GK5: variants seen among roughly 807,000 people sequenced by gnomAD.
GK5 encodes the protein glycerol kinase 5, also known as ATP:glycerol 3-phosphotransferase 5.
A neutral mutation model predicts 77.3 loss-of-function variants in GK5; 39 were observed. The observed-to-expected ratio is 0.50, with a 90% CI of 0.39 to 0.66. GK5 has a LOEUF of 0.66. GK5 is among the 30% of genes least tolerant of loss of function. The pLI is 0.00. For synonymous variants in GK5, 211 were observed against 208.0 expected (o/e 1.01, Z -0.13); for missense variants, 487 against 633.8 (o/e 0.77, Z 2.49).
chr3:142,217,426 G>A (rs2064288419), intron 1 of GK5, among the ~76,000 whole-genome samples: 1 of 152,026 alleles, frequency 6.6e-6, no homozygotes, highest in Non-Finnish European at 1.5e-5. Flanking sequence ...AAGGGAGATA[G>A]AAGAAAATTA....
chr3:142,187,604 C>T, intron 6 of GK5, 100 bp downstream of exon 6: 1 of 658,310 alleles, frequency 1.5e-6, no homozygotes, highest in Non-Finnish European at 2.4e-6. Context: ...GACCCTAGCT[C>T]AAAAAAAAAA....
intron 3 of GK5, 103 bp from the exon 4 acceptor site, chr3:142,204,891 A>G: frequency 1.5e-6 from 1 of 654,550 alleles, no homozygotes; most frequent in South Asian, 1.9e-5. Flanking sequence ...CTGTAATTGC[A>G]AAGTATAATT....
chr3:142,186,326 A>G (rs2063769431), intron 7 of GK5, 59 bp from the exon 8 acceptor site: 5 of 1,128,132 alleles, frequency 4.4e-6, no homozygotes, highest in Admixed American at 3.8e-5. Context: ...ACCTCTAAAC[A>G]TATATCAAAA....
Position 142,172,440 on chromosome 3 carries a change from G to C in GK5, c.1160C>G (p.Pro387Arg), listed in dbSNP as rs571277647. ...ACCCATAAAAGAGGCACATGCCCAG[G>C]GGTCATTTAATGGAGCCTACAGTAA... ...FSGLQAPLNDPWACASFMGLK... is the reference protein window; with the variant it reads ...FSGLQAPLNDRWACASFMGLK... Residue 387 changes from proline to arginine, a missense_variant, in exon 13 of 16, where the codon CCC becomes CGC. Around this residue, in one of 4 missense-constraint regions of GK5, gnomAD observed 323 missense variants for 437.4 expected, o/e 0.74. Coordinates refer to ENST00000392993, the MANE Select transcript of GK5 (RefSeq NM_001039547.3). The C allele has an allele frequency of 6.3e-7, 1 of 1,593,196 alleles. No homozygotes were observed.
At chr3:142,178,935 ATT>A (rs1214634785) in intron 11 of GK5, among the ~76,000 whole-genome samples, 2 of 152,082 alleles carry the variant, frequency 1.3e-5, no homozygotes, top group Non-Finnish European at 2.9e-5. Context: ...AATAATTGAT[ATT>A]GTCTATGTTT....
At chr3:142,209,172 G>C (rs2107794237) in intron 3 of GK5, among the ~76,000 whole-genome samples, 1 of 151,998 alleles carries the variant, frequency 6.6e-6, no homozygotes, top group East Asian at 1.9e-4. Flanking sequence ...TGGATAAATA[G>C]AGGTGCCATG....
chr3:142,223,532 G>C, intron 1 of GK5, among the ~76,000 whole-genome samples: 1 of 152,174 alleles, frequency 6.6e-6, no homozygotes, highest in East Asian at 1.9e-4. Flanking sequence ...CAGTTCCACT[G>C]TCTTGGTCCT....
intron 3 of GK5, among the ~76,000 whole-genome samples, chr3:142,207,055 C>T (rs2064118879): frequency 6.6e-6 from 1 of 152,146 alleles, no homozygotes; most frequent in South Asian, 2.1e-4. Flanking sequence ...CCAGGTTGGA[C>T]TGCCAGAATG....
At chr3:142,212,936 G>A (rs890630785) in intron 3 of GK5, among the ~76,000 whole-genome samples, 2 of 145,946 alleles carry the variant, frequency 1.4e-5, no homozygotes, top group African/African-American at 5.1e-5. Flanking sequence ...TGGGGTTCAC[G>A]CCATTCTCCT....
intron 5 of GK5, among the ~76,000 whole-genome samples, chr3:142,188,267 C>T (rs1440318131): frequency 6.6e-6 from 1 of 150,614 alleles, no homozygotes; most frequent in Non-Finnish European, 1.5e-5. Flanking sequence ...CACGGTGGCT[C>T]ACACCTGTAA....
At chr3:142,222,794 G>GA (rs951482924) in intron 1 of GK5, among the ~76,000 whole-genome samples, 12 of 151,452 alleles carry the variant, frequency 7.9e-5, no homozygotes, top group Admixed American at 2.6e-4. Context: ...AAAGTTTCCA[G>GA]AAAAAAAAGG....
chr3:142,215,811 T>G (rs1480524139), intron 1 of GK5, 119 bp from the exon 2 acceptor site: 2 of 575,308 alleles, frequency 3.5e-6, no homozygotes, highest in East Asian at 3.1e-5. Flanking sequence ...TAATTAATTT[T>G]TATTGTTAAA....
At position 142,209,673 on chromosome 3, in the gene GK5, T is replaced by C. The variant is rs548382241; in HGVS notation, c.317+3853A>G. Among the ~76,000 whole-genome samples the C allele has an allele frequency of 1.1e-4, 16 of 152,058 alleles. No homozygotes were observed. The South Asian group carries it at 3.3e-3, about 32-fold the overall frequency. On this transcript the variant is annotated intron_variant, in intron 3 of 15. Coordinates refer to ENST00000392993, the MANE Select transcript of GK5 (RefSeq NM_001039547.3). ...AAGACTCATTAATGTAAGTATCAAA[T>C]ACTACAATAAAAATCTATTTTGTGC...
At chr3:142,205,710 T>C (rs2064095652) in intron 3 of GK5, among the ~76,000 whole-genome samples, 1 of 152,186 alleles carries the variant, frequency 6.6e-6, no homozygotes, top group African/African-American at 2.4e-5. Context: ...TAGCTTGCCA[T>C]TGCACTCTCT....
At chr3:142,200,156 T>G (rs921891788) in intron 4 of GK5, among the ~76,000 whole-genome samples, 2 of 151,412 alleles carry the variant, frequency 1.3e-5, no homozygotes, top group African/African-American at 4.9e-5. Flanking sequence ...TGGTTTTTGG[T>G]TTTTTTTGAG....
At position 142,204,779 on chromosome 3, in the gene GK5, T is replaced by C; in HGVS notation, c.327A>G (p.Gly109=). ...AACTTATAAAGTTGTGAAAATGATTTCCTGTTTTCCTAGAAAGAATAAAAC... is the reference window on the plus strand; with the variant it reads ...AACTTATAAAGTTGTGAAAATGATTCCCTGTTTTCCTAGAAAGAATAAAAC... ...ATFITWNKKT[G]NHFHNFISWQ... The change falls in exon 4 of 16, where the codon GGA becomes GGG. Residue 109 remains glycine (G), a synonymous_variant. Coordinates refer to ENST00000392993, the MANE Select transcript of GK5 (RefSeq NM_001039547.3). The C allele has an allele frequency of 6.5e-7, 1 of 1,538,776 alleles. No homozygotes were observed. The highest frequency in any genetic ancestry group is 8.9e-7 in the Non-Finnish European group (1 of 1,124,826).
chr3:142,213,401 T>C (rs2064223774), intron 3 of GK5, 125 bp downstream of exon 3: 2 of 661,776 alleles, frequency 3.0e-6, no homozygotes. Context: ...GCACATTTCA[T>C]CCCTCTTAAC....
chr3:142,171,138 T>C (rs943145121), intron 14 of GK5, among the ~76,000 whole-genome samples: 4 of 151,954 alleles, frequency 2.6e-5, no homozygotes, highest in African/African-American at 7.3e-5. Context: ...TAGTGAGGCA[T>C]GAGAATCACT....
In GK5 at chr3:142,158,700, G is replaced by A. The variant is rs1199198580; in HGVS notation, c.*6922C>T. On this transcript the variant is annotated 3_prime_UTR_variant, in exon 16 of 16. Transcript: ENST00000392993. ...AATTGGAATCTACATTTACCATCTT[G>A]TACAAATAGGAAAGTTTCTAATAAC... 1 of 152,510 alleles carries A rather than the reference G, an allele frequency of 6.6e-6. No individual in the cohort carries two copies. The highest frequency in any genetic ancestry group is 1.5e-5 in the Non-Finnish European group (1 of 68,026). 9.4% of individuals were successfully genotyped at this position (152,510 alleles called of 1,614,324 possible).
Sources: gnomAD v4.1 joint callset for allele counts (sites outside exome capture counted in the v4.1 genomes callset) on GRCh38, gnomAD v4.1.1 for gene constraint, gnomAD v4.1.1 regional missense constraint, MANE v1.5 for transcripts, NCBI Gene and HGNC (gene_info 2026-07-23, HGNC 2026-07-21) for gene names.